The following DNAL1 variants were observed in gnomAD, a reference collection of about 807,000 sequenced individuals.
DNAL1 encodes the protein dynein axonemal light chain 1.
A neutral mutation model predicts 29.4 loss-of-function variants in DNAL1; 17 were observed. That is an observed-to-expected ratio of 0.58 (90% CI 0.40 to 0.87). The LOEUF (loss-of-function observed/expected upper bound fraction) is 0.87. Ranked by LOEUF, DNAL1 falls within the 40% of genes least tolerant of loss-of-function variation. The pLI, the probability that DNAL1 is intolerant of heterozygous loss-of-function variation, is 0.00. For synonymous variants in DNAL1, 78 were observed against 76.3 expected (o/e 1.02, Z -0.12); for missense variants, 188 against 214.1 (o/e 0.88, Z 0.76).
Position 73,671,546 on chromosome 14 carries a change from C to A in DNAL1, c.213C>A (p.Asn71Lys). 2 of 1,478,408 alleles carry A rather than the reference C, an allele frequency of 1.4e-6. No homozygotes were observed. Among genetic ancestry groups the A allele is most frequent in the East Asian group, 2.5e-5 (1 of 40,024 alleles). 91.6% of individuals were successfully genotyped at this position (1,478,408 alleles called of 1,614,324 possible). A position where few individuals can be genotyped will look rare whatever the true frequency, so the allele number is the denominator to read the frequency against. Reference protein sequence around the residue: ...EKIANLNGLKNLRILSLGRNN... With the variant: ...EKIANLNGLKKLRILSLGRNN... ...AATGTTTTCTTTTCACTACAGAAAA[C>A]TTGAGGATATTATCTTTAGGAAGAA... Residue 71 changes from asparagine to lysine, a missense_variant, in exon 5 of 8, where the codon AAC (asparagine) becomes AAA (lysine). Physicochemically the swap from Asn to Lys is moderately conservative, Grantham distance 94. Transcript: ENST00000553645.
rs1892371173 is a variant in DNAL1, at chr14:73,699,171, C to G, written c.*3229C>G. 6.6e-6 allele frequency: 1 copy of G among 152,162 alleles called. No homozygotes were observed. 9.4% of individuals were successfully genotyped at this position (152,162 alleles called of 1,614,324 possible). ...TTCTCCCTTAGTTGTACTTTTTATA[C>G]CAACATCACTTGTGTCCAGGGTCCA... On this transcript the variant is annotated 3_prime_UTR_variant, in exon 8 of 8. Coordinates refer to ENST00000553645, the MANE Select transcript of DNAL1 (RefSeq NM_031427.4).
intron 7 of DNAL1, among the ~76,000 whole-genome samples, chr14:73,692,000 T>G (rs1305212694): frequency 1.1e-5 from 1 of 90,292 alleles, no homozygotes; most frequent in African/African-American, 2.9e-5. Context: ...CCCAGACTTT[T>G]TTTTTTTTTT....
Position 73,703,342 on chromosome 14 carries a change from C to A in DNAL1, c.*7400C>A. The A allele has an allele frequency of 6.6e-6, 1 of 152,294 alleles. No homozygotes were observed. The highest frequency in any genetic ancestry group is 2.1e-4 in the South Asian group (1 of 4,836). The allele number at this position is 152,294 out of a possible 1,614,324, so 9.4% of individuals were successfully genotyped here. On this transcript the variant is annotated 3_prime_UTR_variant, in exon 8 of 8. Coordinates refer to ENST00000553645, the MANE Select transcript of DNAL1 (RefSeq NM_031427.4). ...AGTCAGAATCTTAGGTGATAACTGT[C>A]AGACCTCTGAGCCCAAGCTAAGCCA...
At chr14:73,669,732 A>G (rs1205891160) in intron 4 of DNAL1, among the ~76,000 whole-genome samples, 1 of 152,074 alleles carries the variant, frequency 6.6e-6, no homozygotes, top group African/African-American at 2.4e-5. Flanking sequence ...GCCTGGCCCA[A>G]TTACCTCTTT....
At position 73,699,842 on chromosome 14, in the gene DNAL1, T is replaced by G. The variant is rs1892389381; in HGVS notation, c.*3900T>G. The G allele has an allele frequency of 6.6e-6, 1 of 152,232 alleles. No homozygotes were observed. Among genetic ancestry groups the G allele is most frequent in the Admixed American group, 6.5e-5 (1 of 15,286 alleles). The allele number at this position is 152,232 out of a possible 1,614,324, so 9.4% of individuals were successfully genotyped here. The stretch of plus-strand genomic sequence containing the variant: ...CTTTAGAAAATAGGTCATCATTCTT[T>G]AAGCGTCATTCATTGTCTAATCACA... On this transcript the variant is annotated 3_prime_UTR_variant, in exon 8 of 8. Coordinates refer to ENST00000553645, the MANE Select transcript of DNAL1 (RefSeq NM_031427.4).
Position 73,691,849 on chromosome 14 carries a change from C to CG in DNAL1, c.532+2334_532+2335insG, listed in dbSNP as rs1471440949. 1.0e-4 allele frequency among the ~76,000 whole-genome samples: 8 copies of CG among 78,792 alleles called. No homozygotes were observed. The East Asian group carries it at 2.1e-3, about 21-fold the overall frequency. 51.7% of individuals were successfully genotyped at this position (78,792 alleles called of 152,430 possible). On this transcript the variant is annotated intron_variant, in intron 7 of 7. Transcript: ENST00000553645. Reference sequence around the variant, plus strand: ...GCTGGAACTACAGGCGTGCGCCACCCCCCCCCCCCAGCTAATTTTTGTATT... The same window carrying CG: ...GCTGGAACTACAGGCGTGCGCCACCCGCCCCCCCCCAGCTAATTTTTGTATT...
intron 1 of DNAL1, among the ~76,000 whole-genome samples, chr14:73,649,956 T>C (rs1891075911): frequency 6.6e-6 from 1 of 152,176 alleles, no homozygotes; most frequent in South Asian, 2.1e-4. Context: ...TAAATATTAT[T>C]TAAATAGTTG....
chr14:73,681,916 C>T (rs1353405373), intron 5 of DNAL1, among the ~76,000 whole-genome samples: 1 of 151,674 alleles, frequency 6.6e-6, no homozygotes, highest in Non-Finnish European at 1.5e-5. Flanking sequence ...AGTTCGAGAT[C>T]AGCCTGACCA....
chr14:73,670,861 C>T (rs189430476), intron 4 of DNAL1, among the ~76,000 whole-genome samples: 461 of 151,972 alleles, frequency 3.0e-3, no homozygotes, highest in African/African-American at 0.011. Context: ...CTCAGCCTCC[C>T]GAGTAGCTGG....
chr14:73,693,214 T>C (rs1044324535), intron 7 of DNAL1, among the ~76,000 whole-genome samples: 10 of 152,322 alleles, frequency 6.6e-5, no homozygotes, highest in Middle Eastern at 3.4e-3. Flanking sequence ...GCAACTCTTA[T>C]ACCCTGTAGG....
At chr14:73,673,384 T>C (rs1238922355) in intron 5 of DNAL1, among the ~76,000 whole-genome samples, 1 of 152,136 alleles carries the variant, frequency 6.6e-6, no homozygotes, top group Non-Finnish European at 1.5e-5. Flanking sequence ...ATTTATTCCA[T>C]AAAATGTAAT....
rs1186326566 is a variant in DNAL1, at chr14:73,701,691, T to TA, written c.*5750dup. Reference sequence around the variant, plus strand: ...GTTGGAAGCTAAGAGCACATGCGCATAGCCAGCTCCTCTCCCAGGCTGGCA... The same window carrying TA: ...GTTGGAAGCTAAGAGCACATGCGCATAAGCCAGCTCCTCTCCCAGGCTGGCA... On this transcript the variant is annotated 3_prime_UTR_variant, in exon 8 of 8. Coordinates refer to ENST00000553645, the MANE Select transcript of DNAL1 (RefSeq NM_031427.4). 2 of 152,238 alleles carry TA rather than the reference T, an allele frequency of 1.3e-5. No homozygotes were observed. Among genetic ancestry groups the TA allele is most frequent in the Non-Finnish European group, 2.9e-5 (2 of 68,038 alleles). The allele number at this position is 152,238 out of a possible 1,614,324, so 9.4% of individuals were successfully genotyped here.
intron 2 of DNAL1, among the ~76,000 whole-genome samples, chr14:73,656,802 A>T (rs529238806): frequency 6.6e-6 from 1 of 152,204 alleles, no homozygotes; most frequent in African/African-American, 2.4e-5. Flanking sequence ...TTTATTGAGG[A>T]TCTACTAGAT....
intron 3 of DNAL1, among the ~76,000 whole-genome samples, chr14:73,659,996 G>A (rs937765272): frequency 1.3e-5 from 2 of 152,008 alleles, no homozygotes; most frequent in African/African-American, 2.4e-5. Flanking sequence ...CTGTGATCTC[G>A]GCTCATTGGA....
chr14:73,658,043 C>A (rs922884261), intron 2 of DNAL1, among the ~76,000 whole-genome samples: 1 of 152,100 alleles, frequency 6.6e-6, no homozygotes, highest in Admixed American at 6.6e-5. Context: ...TTGAGTCTTA[C>A]CTTTAAGTCT....
In DNAL1 at chr14:73,698,220, C is replaced by A. The variant is rs765460583; in HGVS notation, c.*2278C>A. On this transcript the variant is annotated 3_prime_UTR_variant, in exon 8 of 8. Transcript: ENST00000553645. ...CAAATGTAAGATACTTTTCTCTGTC[C>A]ATTTCATGCAAAATTCATATTCAGT... 1.3e-4 allele frequency: 20 copies of A among 152,048 alleles called. No homozygotes were observed. The highest frequency in any genetic ancestry group is 2.1e-4 in the South Asian group (1 of 4,824). 9.4% of individuals were successfully genotyped at this position (152,048 alleles called of 1,614,324 possible). A position where few individuals can be genotyped will look rare whatever the true frequency, so the allele number is the denominator to read the frequency against.
chr14:73,676,963 A>ATTTT (rs56879277), intron 5 of DNAL1, among the ~76,000 whole-genome samples: 7 of 126,662 alleles, frequency 5.5e-5, no homozygotes, highest in Non-Finnish European at 4.8e-5. Flanking sequence ...AGTAGTATTC[A>ATTTT]TTTTTTTTTT....
At chr14:73,681,621 AAAAAAAAAAAAAATATAT>A (rs1376429833) in intron 5 of DNAL1, among the ~76,000 whole-genome samples, 3 of 40,016 alleles carry the variant, frequency 7.5e-5, no homozygotes, top group Non-Finnish European at 5.4e-5. Flanking sequence ...AAAAAAAAAA[AAAAAAAAAAAAAATATAT>A]ATATATATAT....
rs1891754838 is a variant in DNAL1 at position 73,677,226 on chromosome 14, T to G, written c.264+5629T>G. Among the ~76,000 whole-genome samples the G allele has an allele frequency of 4.6e-5, 7 of 152,214 alleles. No individual in the cohort carries two copies. In the South Asian group the frequency reaches 1.5e-3, roughly 32 times the overall value. On this transcript the variant is annotated intron_variant, in intron 5 of 7. Transcript: ENST00000553645. The stretch of plus-strand genomic sequence containing the variant: ...ACCTCGTGATCTGCCCGCCTCGGCC[T>G]CCCGAAGTGCTGGGATTACAGGCAT...
Sources: gnomAD v4.1 joint callset for allele counts (sites outside exome capture counted in the v4.1 genomes callset) on GRCh38, gnomAD v4.1.1 for gene constraint, MANE v1.5 for transcripts, NCBI Gene and HGNC (gene_info 2026-07-23, HGNC 2026-07-21) for gene names.